Variants in TANC2 observed in about 807,000 individuals in gnomAD.
TANC2 encodes protein TANC2.
TANC2 carries 26 observed loss-of-function variants against 210.5 expected under a neutral mutation model. The observed-to-expected ratio is 0.12, with a 90% CI of 0.09 to 0.17. The LOEUF is 0.17. Ranked by LOEUF, TANC2 falls within the 10% of genes least tolerant of loss-of-function variation. The pLI is 1.00. For missense variants in TANC2, 2,129 were observed against 2,608.9 expected, an observed-to-expected ratio of 0.82 and a Z score of 4.01; for synonymous variants, 931 against 967.1, an observed-to-expected ratio of 0.96 and a Z score of 0.69.
intron 7 of TANC2, among the ~76,000 whole-genome samples, chr17:63,225,870 A>AT (rs1450876001): frequency 6.6e-6 from 1 of 152,170 alleles, no homozygotes; most frequent in Non-Finnish European, 1.5e-5. Context: ...TTACGTTTTC[A>AT]TTTTTTGATT....
intron 19 of TANC2, among the ~76,000 whole-genome samples, chr17:63,402,222 TA>T (rs757661769): frequency 3.3e-5 from 5 of 152,210 alleles, no homozygotes; most frequent in Admixed American, 6.5e-5. Flanking sequence ...TCCATGCCTG[TA>T]AATCTCCTGT....
At chr17:63,012,719 A>T (rs1211800917) in intron 2 of TANC2, among the ~76,000 whole-genome samples, 2 of 152,132 alleles carry the variant, frequency 1.3e-5, no homozygotes, top group Non-Finnish European at 2.9e-5. Flanking sequence ...TGGCACTATA[A>T]TAGCTCACTA....
chr17:63,316,037 TTG>T (rs987020070), intron 10 of TANC2, among the ~76,000 whole-genome samples: 1 of 152,192 alleles, frequency 6.6e-6, no homozygotes. Context: ...TGACTAGACT[TTG>T]TGAACTTGAG....
intron 8 of TANC2, among the ~76,000 whole-genome samples, chr17:63,238,688 G>A (rs1218344485): frequency 1.3e-5 from 2 of 152,184 alleles, no homozygotes; most frequent in African/African-American, 4.8e-5. Context: ...TTTTCACACT[G>A]CTATAAAGAT....
intron 26 of TANC2, among the ~76,000 whole-genome samples, chr17:63,416,328 C>G (rs1322923713): frequency 6.6e-6 from 1 of 152,182 alleles, no homozygotes; most frequent in Non-Finnish European, 1.5e-5. Flanking sequence ...GAAGACACTC[C>G]AAGCCAAGAA....
chr17:63,005,930 G>GTT (rs2033608182), intron 1 of TANC2, among the ~76,000 whole-genome samples: 1 of 150,994 alleles, frequency 6.6e-6, no homozygotes, highest in Non-Finnish European at 1.5e-5. Context: ...GTGTGTGTGT[G>GTT]TGTGTGTGTG....
chr17:63,186,603 G>A (rs2447445), intron 5 of TANC2, among the ~76,000 whole-genome samples: 8 of 151,718 alleles, frequency 5.3e-5, no homozygotes, highest in African/African-American at 1.5e-4. Context: ...TCCACCCCCC[G>A]CTTCAGCCTC....
chr17:63,117,728 CT>C (rs140046493), intron 4 of TANC2, among the ~76,000 whole-genome samples: 1,775 of 152,250 alleles, frequency 0.012, 35 homozygotes, highest in African/African-American at 0.04. Context: ...GGAAAAGACT[CT>C]GTAGTATTGA....
chr17:63,064,385 G>A (rs759047081), intron 2 of TANC2, among the ~76,000 whole-genome samples: 1 of 152,136 alleles, frequency 6.6e-6, no homozygotes, highest in Non-Finnish European at 1.5e-5. Flanking sequence ...CTTGAGCCCA[G>A]GAGCTCAAAG....
At chr17:63,169,310 A>G (rs2040319941) in intron 5 of TANC2, among the ~76,000 whole-genome samples, 2 of 152,084 alleles carry the variant, frequency 1.3e-5, no homozygotes, top group Admixed American at 1.3e-4. Context: ...TTATTTGTAT[A>G]TGTTAGATTC....
At position 63,191,268 on chromosome 17, in the gene TANC2, T is replaced by C. The variant is rs563055558; in HGVS notation, c.434-2723T>C. ...GAGGACCTGGCTTTGTGTTTCAACA[T>C]ACAGTATTTGAATACACTATTATGT... On this transcript the variant is annotated intron_variant, in intron 5 of 27. Coordinates refer to ENST00000689528, the Ensembl canonical transcript of TANC2. 4.0e-5 allele frequency among the ~76,000 whole-genome samples: 6 copies of C among 151,410 alleles called. No individual in the cohort carries two copies. In the South Asian group the frequency reaches 1.3e-3, roughly 32 times the overall value.
chr17:63,137,045 C>G (rs1442286458), intron 4 of TANC2, among the ~76,000 whole-genome samples: 1 of 152,160 alleles, frequency 6.6e-6, no homozygotes. Flanking sequence ...AAGAACTGAA[C>G]AATTCCTAGA....
At chr17:63,172,898 A>G (rs536607148) in intron 5 of TANC2, among the ~76,000 whole-genome samples, 83 of 152,246 alleles carry the variant, frequency 5.5e-4, no homozygotes, top group African/African-American at 1.9e-3. Context: ...GGGGGTTAGG[A>G]GGGTAGGGAG....
chr17:63,317,093 G>C (rs1361696641), intron 10 of TANC2, among the ~76,000 whole-genome samples: 1 of 151,994 alleles, frequency 6.6e-6, no homozygotes, highest in Non-Finnish European at 1.5e-5. Context: ...AATAGTTGTA[G>C]TGATAATAAA....
At chr17:63,253,786 A>G (rs1250877239) in intron 8 of TANC2, among the ~76,000 whole-genome samples, 1 of 151,586 alleles carries the variant, frequency 6.6e-6, no homozygotes, top group Non-Finnish European at 1.5e-5. Flanking sequence ...ACACCCAACT[A>G]ATTTTTGGTT....
At chr17:63,347,114 A>C (rs2046440098) in intron 12 of TANC2, among the ~76,000 whole-genome samples, 1 of 152,366 alleles carries the variant, frequency 6.6e-6, no homozygotes, top group Non-Finnish European at 1.5e-5. Flanking sequence ...ACACTTGTAC[A>C]AGAATGTTTC....
intron 4 of TANC2, among the ~76,000 whole-genome samples, chr17:63,110,440 C>T (rs2037991268): frequency 6.6e-6 from 1 of 151,538 alleles, no homozygotes; most frequent in Middle Eastern, 3.2e-3. Flanking sequence ...AAGAAAAAAC[C>T]TCTGGGACTG....
intron 14 of TANC2, among the ~76,000 whole-genome samples, chr17:63,375,276 G>T (rs1413524186): frequency 6.6e-6 from 1 of 152,158 alleles, no homozygotes; most frequent in African/African-American, 2.4e-5. Flanking sequence ...ATGAACTATA[G>T]TTGCCACCTT....
At chr17:63,427,012 T>G (rs2049162401) in exon 28 of TANC2, 1 of 152,234 alleles carries the variant, frequency 6.6e-6, no homozygotes, top group South Asian at 2.1e-4. Context: ...CGGCTCCAGA[T>G]CTCCACTTCA....
Sources: allele counts gnomAD v4.1 joint callset (sites outside exome capture counted in the v4.1 genomes callset), GRCh38; gene constraint gnomAD v4.1.1; transcripts MANE v1.5; gene names NCBI Gene and HGNC (gene_info 2026-07-23, HGNC 2026-07-21).